The following UTP6 variants were observed in gnomAD, a reference collection of about 807,000 sequenced individuals.
UTP6 encodes the protein UTP6 small subunit processome component.
A neutral mutation model predicts 96.5 loss-of-function variants in UTP6; 60 were observed. That is an observed-to-expected ratio of 0.62 (90% CI 0.51 to 0.77). UTP6 has a LOEUF of 0.77. Ranked by LOEUF, UTP6 falls within the 30% of genes least tolerant of loss-of-function variation. The pLI is 0.00. For missense variants in UTP6, 637 were observed against 706.5 expected (o/e 0.90, Z 1.12); for synonymous variants, 215 against 240.1 (o/e 0.90, Z 0.96).
chr17:31,890,292 G>C (rs1911415287), intron 6 of UTP6, among the ~76,000 whole-genome samples: 1 of 151,618 alleles, frequency 6.6e-6, no homozygotes, highest in Non-Finnish European at 1.5e-5. Context: ...CACCGTGCCT[G>C]GCCCACATAC....
intron 16 of UTP6, among the ~76,000 whole-genome samples, chr17:31,868,333 T>G (rs974649368): frequency 6.9e-6 from 1 of 144,530 alleles, no homozygotes; most frequent in Non-Finnish European, 1.5e-5. Context: ...TGGTTTTTTT[T>G]TTTTTTTTTT....
intron 9 of UTP6, 49 bp from the exon 10 acceptor site, chr17:31,884,554 C>T (rs761037710): frequency 2.1e-6 from 3 of 1,417,486 alleles, no homozygotes; most frequent in African/African-American, 1.4e-5. Flanking sequence ...ATAAGAATCA[C>T]TTTACTTTAA....
At chr17:31,895,037 A>G (rs758368802) in intron 2 of UTP6, 26 bp from the exon 3 acceptor site, 2 of 1,497,134 alleles carry the variant, frequency 1.3e-6, no homozygotes, top group Admixed American at 4.9e-5. Flanking sequence ...ATACAAAAAA[A>G]TGAGAAGCTA....
rs1323142634 is a variant in UTP6, at chr17:31,895,013, T to C, written c.178-2A>G. The C allele has an allele frequency of 3.3e-6, 5 of 1,521,164 alleles. No homozygotes were observed. Among genetic ancestry groups the C allele is most frequent in the Non-Finnish European group, 4.4e-6 (5 of 1,128,230 alleles). The allele number at this position is 1,521,164 out of a possible 1,614,324, so 94.2% of individuals were successfully genotyped here. On this transcript the variant is annotated splice_acceptor_variant, in intron 2 of 18. Coordinates refer to ENST00000261708, the MANE Select transcript of UTP6 (RefSeq NM_018428.3). LOFTEE classifies it high-confidence loss of function. The stretch of plus-strand genomic sequence containing the variant: ...CAGCTCCAAAAGATTAATTTCATAC[T>C]ATGAAAGAAAAACATACAAAAAAAT...
chr17:31,886,189 C>A (rs922232994), intron 8 of UTP6, 128 bp from the exon 9 acceptor site: 8 of 685,482 alleles, frequency 1.2e-5, no homozygotes, highest in Middle Eastern at 8.2e-4. Flanking sequence ...TCTCTCCGGG[C>A]CAGTTCCCTC....
chr17:31,899,832 C>T, intron 1 of UTP6, 102 bp from the exon 2 acceptor site: 2 of 844,288 alleles, frequency 2.4e-6, no homozygotes, highest in Non-Finnish European at 3.5e-6. Flanking sequence ...ATACGAAATT[C>T]CTAGAGTTAT....
At chr17:31,871,465 T>G (rs1213148325) in intron 16 of UTP6, among the ~76,000 whole-genome samples, 1 of 152,132 alleles carries the variant, frequency 6.6e-6, no homozygotes, top group East Asian at 1.9e-4. Flanking sequence ...AAAGAATTTT[T>G]GGCTGGGCAC....
Position 31,886,040 on chromosome 17 carries a change from CT to C in UTP6, c.642del (p.Glu215LysfsTer16). On this transcript the variant is annotated frameshift_variant, in exon 9 of 19. Coordinates refer to ENST00000261708, the MANE Select transcript of UTP6 (RefSeq NM_018428.3). LOFTEE classifies it high-confidence loss of function. ...CATGCCAACTCGCCCTTAAGGATTT[CT>C]TCAGAATAATCAGGATTCTCCTAAA... Reference protein sequence around the residue: ...SMDVENPDYSEEILKGELAWI... With the variant: ...SMDVENPDYSXEILKGELAWI... 6.2e-7 allele frequency: 1 copy of C among 1,613,738 alleles called. No homozygotes were observed. Among genetic ancestry groups the C allele is most frequent in the East Asian group, 2.2e-5 (1 of 44,866 alleles).
rs967449790 is a variant in UTP6, at chr17:31,880,739, G to A, written c.801C>T (p.His267=). 2 of 1,613,996 alleles carry A rather than the reference G, an allele frequency of 1.2e-6. No individual in the cohort carries two copies. The highest frequency in any genetic ancestry group is 2.7e-5 in the African/African-American group (2 of 74,918). Residue 267 remains histidine, a synonymous_variant, in exon 11 of 19, where the codon CAC becomes CAT. Coordinates refer to ENST00000261708, the MANE Select transcript of UTP6 (RefSeq NM_018428.3). ...AATCCCAAGTGAGAGGATCATCTGT[G>A]TGTAGAGCCTGAAGGCTGAAAAATA... The part of the protein sequence containing the change: ...KEIYDDLQAL[H]TDDPLTWDYV...
chr17:31,882,340 G>C (rs1031409568), intron 10 of UTP6, among the ~76,000 whole-genome samples: 2 of 101,350 alleles, frequency 2.0e-5, no homozygotes, highest in African/African-American at 8.5e-5. Context: ...TTTTTTTTTT[G>C]GAGACAGAGT....
At chr17:31,897,443 CTTTTTT>C (rs397857995) in intron 2 of UTP6, among the ~76,000 whole-genome samples, 3 of 103,216 alleles carry the variant, frequency 2.9e-5, no homozygotes, top group African/African-American at 1.1e-4. Flanking sequence ...AACTTCTAGT[CTTTTTT>C]TTTTTTTTTT....
At chr17:31,872,546 C>T (rs1054767407) in intron 16 of UTP6, among the ~76,000 whole-genome samples, 5 of 151,468 alleles carry the variant, frequency 3.3e-5, no homozygotes, top group Non-Finnish European at 7.4e-5. Flanking sequence ...CATGGTGGTA[C>T]ATGCCTGTAG....
At chr17:31,897,287 A>G (rs1167947222) in intron 2 of UTP6, among the ~76,000 whole-genome samples, 1 of 152,006 alleles carries the variant, frequency 6.6e-6, no homozygotes, top group African/African-American at 2.4e-5. Context: ...ATTTGGAAAA[A>G]AAAAAATCTA....
At chr17:31,887,649 G>A (rs1395179653) in intron 7 of UTP6, 2 of 164,946 alleles carry the variant, frequency 1.2e-5, no homozygotes, top group Non-Finnish European at 2.6e-5. Flanking sequence ...ACCACACCCA[G>A]GCTTAACTTT....
intron 4 of UTP6, among the ~76,000 whole-genome samples, chr17:31,893,607 G>A (rs982043857): frequency 6.6e-6 from 1 of 151,570 alleles, no homozygotes; most frequent in African/African-American, 2.4e-5. Flanking sequence ...GTGCGTGCCT[G>A]AAGTCCCAGG....
In UTP6 at chr17:31,894,553, T is replaced by C. The variant is rs1904522864; in HGVS notation, c.312+92A>G. 7 of 906,690 alleles carry C rather than the reference T, an allele frequency of 7.7e-6. No homozygotes were observed. The South Asian group carries it at 1.1e-4, about 15-fold the overall frequency. 56.2% of individuals were successfully genotyped at this position (906,690 alleles called of 1,614,324 possible). A position where few individuals can be genotyped will look rare whatever the true frequency, so the allele number is the denominator to read the frequency against. The stretch of plus-strand genomic sequence containing the variant: ...AGAGTAAGTATAAAGATACCCAAGA[T>C]AAAAATAGAAAACTGCATTTGAATC... On this transcript the variant is annotated intron_variant, in intron 4 of 18. Coordinates refer to ENST00000261708, the MANE Select transcript of UTP6 (RefSeq NM_018428.3).
At chr17:31,873,351 G>A in intron 16 of UTP6, 27 bp downstream of exon 16, 3 of 1,609,286 alleles carry the variant, frequency 1.9e-6, no homozygotes, top group South Asian at 1.1e-5. Context: ...AGAGGGACTA[G>A]TAACAACTAT....
chr17:31,865,530 G>A, intron 17 of UTP6, 92 bp from the exon 18 acceptor site: 7 of 1,240,238 alleles, frequency 5.6e-6, no homozygotes, highest in Non-Finnish European at 8.1e-6. Context: ...CTGTCTGTCA[G>A]GTATTTGAAG....
chr17:31,869,473 C>T (rs1458144130), intron 16 of UTP6, among the ~76,000 whole-genome samples: 1 of 152,012 alleles, frequency 6.6e-6, no homozygotes, highest in Admixed American at 6.6e-5. Flanking sequence ...GCCACCACGC[C>T]TGGCCTCTTT....
Sources: allele counts gnomAD v4.1 joint callset (sites outside exome capture counted in the v4.1 genomes callset), GRCh38; gene constraint gnomAD v4.1.1; transcripts MANE v1.5; gene names NCBI Gene and HGNC (gene_info 2026-07-23, HGNC 2026-07-21).